Variants in CDH13 observed in about 807,000 individuals in gnomAD.
The protein encoded by CDH13 is cadherin-13.
A neutral mutation model predicts 63.8 loss-of-function variants in CDH13; 24 were observed. That is an observed-to-expected ratio of 0.38 (90% confidence interval 0.27 to 0.53). CDH13 has a LOEUF of 0.53. CDH13 is among the 20% of genes least tolerant of loss of function. The pLI, the probability that CDH13 is intolerant of heterozygous loss-of-function variation, is 0.85. For synonymous variants in CDH13, 503 were observed against 355.3 expected, an observed-to-expected ratio of 1.42 and a Z score of -4.67; for missense variants, 1,049 against 903.1, an observed-to-expected ratio of 1.16 and a Z score of -2.07.
chr16:83,706,988 T>G (rs1165004595), intron 10 of CDH13, among the ~76,000 whole-genome samples: 2 of 152,176 alleles, frequency 1.3e-5, no homozygotes, highest in African/African-American at 4.8e-5. Context: ...TCAGCAAGGC[T>G]ACATGAAGAA....
chr16:82,740,247 T>C (rs746549347), intron 1 of CDH13, among the ~76,000 whole-genome samples: 2 of 152,224 alleles, frequency 1.3e-5, no homozygotes, highest in Non-Finnish European at 1.5e-5. Flanking sequence ...TGATTTCTTA[T>C]GTAAGAGACT....
At chr16:83,784,515 C>G (rs1210985641) in intron 13 of CDH13, among the ~76,000 whole-genome samples, 1 of 151,752 alleles carries the variant, frequency 6.6e-6, no homozygotes, top group Non-Finnish European at 1.5e-5. Flanking sequence ...GCCTGTAGTC[C>G]CAGCTACTCG....
intron 5 of CDH13, among the ~76,000 whole-genome samples, chr16:83,306,024 A>G (rs1176656425): frequency 6.6e-6 from 1 of 152,130 alleles, no homozygotes; most frequent in Non-Finnish European, 1.5e-5. Flanking sequence ...GCACTACAGA[A>G]TATTCAGCAG....
At chr16:82,756,996 C>G (rs1176458788) in intron 1 of CDH13, among the ~76,000 whole-genome samples, 1 of 152,058 alleles carries the variant, frequency 6.6e-6, no homozygotes, top group African/African-American at 2.4e-5. Context: ...GACGACTGAC[C>G]TTTCCTTTTC....
chr16:83,500,724 C>G (rs746163456), intron 7 of CDH13, among the ~76,000 whole-genome samples: 5 of 149,862 alleles, frequency 3.3e-5, no homozygotes, highest in Non-Finnish European at 7.4e-5. Flanking sequence ...AGGAAAGGCA[C>G]CCACCATCTT....
intron 7 of CDH13, among the ~76,000 whole-genome samples, chr16:83,511,842 C>T (rs2074573467): frequency 1.3e-5 from 2 of 152,118 alleles, no homozygotes. Flanking sequence ...CACATAAGGA[C>T]TCAGGCTTTG....
intron 4 of CDH13, among the ~76,000 whole-genome samples, chr16:83,160,049 C>T (rs1020766061): frequency 6.6e-6 from 1 of 151,924 alleles, no homozygotes; most frequent in Admixed American, 6.6e-5. Context: ...GCATTCCAGC[C>T]CGGGTGACAG....
chr16:82,964,143 T>C (rs529935299), intron 2 of CDH13, among the ~76,000 whole-genome samples: 1 of 152,082 alleles, frequency 6.6e-6, no homozygotes, highest in Non-Finnish European at 1.5e-5. Flanking sequence ...ATCACTGAGA[T>C]CTCATAAATC....
At chr16:83,415,478 C>G (rs2092186445) in intron 6 of CDH13, among the ~76,000 whole-genome samples, 1 of 152,136 alleles carries the variant, frequency 6.6e-6, no homozygotes, top group Admixed American at 6.5e-5. Context: ...AAACAAAAGA[C>G]CAATATCCCT....
intron 6 of CDH13, among the ~76,000 whole-genome samples, chr16:83,471,195 T>A (rs1324041612): frequency 6.6e-6 from 1 of 151,796 alleles, no homozygotes; most frequent in Non-Finnish European, 1.5e-5. Flanking sequence ...TTTTACCCTG[T>A]AAGATAACAT....
intron 4 of CDH13, among the ~76,000 whole-genome samples, chr16:83,143,998 C>T (rs181114495): frequency 2.0e-5 from 3 of 152,166 alleles, no homozygotes; most frequent in Admixed American, 6.5e-5. Flanking sequence ...GTTTAACCCT[C>T]GGATAGGTCA....
chr16:83,449,690 G>A (rs1352399130), intron 6 of CDH13, among the ~76,000 whole-genome samples: 1 of 152,118 alleles, frequency 6.6e-6, no homozygotes, highest in Non-Finnish European at 1.5e-5. Context: ...AAGGATCTGT[G>A]GCCAAATGAT....
At chr16:83,211,791 T>A (rs561941545) in intron 4 of CDH13, among the ~76,000 whole-genome samples, 61 of 152,198 alleles carry the variant, frequency 4.0e-4, no homozygotes, top group African/African-American at 1.5e-3. Context: ...GAAGTCTCTT[T>A]ACCCAGGTAT....
chr16:83,536,824 G>C (rs1380910438), intron 7 of CDH13, among the ~76,000 whole-genome samples: 1 of 152,166 alleles, frequency 6.6e-6, no homozygotes, highest in Non-Finnish European at 1.5e-5. Flanking sequence ...AAAATCAACA[G>C]CAGCACTAGT....
At chr16:83,372,185 C>T (rs987676610) in intron 6 of CDH13, among the ~76,000 whole-genome samples, 10 of 152,172 alleles carry the variant, frequency 6.6e-5, no homozygotes, top group African/African-American at 2.4e-4. Context: ...GGTTCTGTAA[C>T]ATCCCCACTT....
intron 3 of CDH13, among the ~76,000 whole-genome samples, chr16:83,097,216 T>C (rs6565121): frequency 0.47 from 71,328 of 151,930 alleles, 16,977 homozygotes; most frequent in Middle Eastern, 0.6. Context: ...AACATTTCTG[T>C]ATATGCCTAA....
At chr16:83,770,188 C>T (rs1224985814) in intron 11 of CDH13, among the ~76,000 whole-genome samples, 2 of 152,124 alleles carry the variant, frequency 1.3e-5, no homozygotes, top group Admixed American at 6.6e-5. Flanking sequence ...GCTTCCCACA[C>T]AAAGCAATAT....
chr16:83,050,355 T>G (rs1285808442), intron 3 of CDH13, among the ~76,000 whole-genome samples: 2 of 152,186 alleles, frequency 1.3e-5, no homozygotes, highest in African/African-American at 2.4e-5. Context: ...ATTCAACTCT[T>G]TGAGAAGTCA....
chr16:83,622,571 G>T (rs8045330), intron 8 of CDH13, among the ~76,000 whole-genome samples: 18,812 of 152,180 alleles, frequency 0.12, 1,258 homozygotes, highest in African/African-American at 0.17. Context: ...CCAATAATTA[G>T]ATATCATAAT....
Sources: gnomAD v4.1 joint callset for allele counts (sites outside exome capture counted in the v4.1 genomes callset) on GRCh38, gnomAD v4.1.1 for gene constraint, MANE v1.5 for transcripts, NCBI Gene and HGNC (gene_info 2026-07-23, HGNC 2026-07-21) for gene names.